The following TAPT1 variants were observed in gnomAD, a reference collection of about 807,000 sequenced individuals.
The protein encoded by TAPT1 is transmembrane anterior posterior transformation 1.
TAPT1 carries 28 observed loss-of-function variants against 65.6 expected under a neutral mutation model. The observed-to-expected ratio is 0.43, with a 90% CI of 0.32 to 0.59. The LOEUF (loss-of-function observed/expected upper bound fraction) is 0.59. Ranked by LOEUF, TAPT1 falls within the 20% of genes least tolerant of loss-of-function variation. The probability of loss-of-function intolerance (pLI) is 0.09; values close to 1 mark genes in which losing one functional copy is unlikely to be tolerated. For synonymous variants in TAPT1, 278 were observed against 245.2 expected (o/e 1.13, Z -1.25); for missense variants, 563 against 679.9 (o/e 0.83, Z 1.91).
rs753438364 is a variant in TAPT1, at chr4:16,170,651, A to C, written c.1313+2T>G. ...CAAAAACATATTCAAGAATAATCTT[A>C]CCCAAAATAGAAGAGTATGACACAG... On this transcript the variant is annotated splice_donor_variant, in intron 12 of 13. Coordinates refer to ENST00000405303, the MANE Select transcript of TAPT1 (RefSeq NM_153365.3). LOFTEE classifies it high-confidence loss of function. The C allele has an allele frequency of 6.2e-7, 1 of 1,607,940 alleles. No individual in the cohort carries two copies. Among genetic ancestry groups the C allele is most frequent in the Non-Finnish European group, 8.5e-7 (1 of 1,174,614 alleles).
intron 1 of TAPT1, among the ~76,000 whole-genome samples, chr4:16,222,756 A>G (rs1184604832): frequency 6.6e-6 from 1 of 152,174 alleles, no homozygotes; most frequent in Non-Finnish European, 1.5e-5. Flanking sequence ...TCTCTAACAG[A>G]GGTGAAGCAA....
intron 10 of TAPT1, 48 bp from the exon 11 acceptor site, chr4:16,174,320 G>T: frequency 6.7e-7 from 1 of 1,501,606 alleles, no homozygotes; most frequent in Non-Finnish European, 9.1e-7. Context: ...GATTTAAACA[G>T]CATTTTAAAA....
chr4:16,176,422 G>A (rs1748328633), intron 8 of TAPT1, 194 bp from the exon 9 acceptor site: 5 of 385,514 alleles, frequency 1.3e-5, no homozygotes, highest in Middle Eastern at 6.7e-4. Flanking sequence ...TTCAACAAAC[G>A]TTTACTCAGG....
At chr4:16,192,444 T>G (rs1428370749) in intron 3 of TAPT1, among the ~76,000 whole-genome samples, 1 of 152,262 alleles carries the variant, frequency 6.6e-6, no homozygotes, top group Non-Finnish European at 1.5e-5. Flanking sequence ...ACAGCTTTTG[T>G]ATTACAAATG....
chr4:16,187,766 T>C (rs1749107880), intron 5 of TAPT1, among the ~76,000 whole-genome samples: 3 of 152,230 alleles, frequency 2.0e-5, no homozygotes, highest in African/African-American at 7.2e-5. Context: ...CAGGGAAGAA[T>C]ACACAAACAC....
At chr4:16,168,907 G>A (rs1283252957) in intron 12 of TAPT1, among the ~76,000 whole-genome samples, 1 of 152,262 alleles carries the variant, frequency 6.6e-6, no homozygotes, top group Admixed American at 6.5e-5. Context: ...TAGCTGGCAA[G>A]AGTGAGTCTG....
chr4:16,166,652 G>A lies in TAPT1; in HGVS notation c.1455C>T (p.Asn485=). 1 of 1,614,022 alleles carries A rather than the reference G, an allele frequency of 6.2e-7. No individual in the cohort carries two copies. Among genetic ancestry groups the A allele is most frequent in the Non-Finnish European group, 8.5e-7 (1 of 1,179,874 alleles). Residue 485 remains asparagine, a synonymous_variant, in exon 13 of 14, where the codon AAC becomes AAT. Transcript: ENST00000405303. ...ACCTACCTTGAGAGGGTTTACATTT[G>A]TTCTGTGATTTACTGGACGGCTTGC... ...TPGKPSSKSQ[N]KCKPSQGLST... is the part of the protein sequence containing the mutation.
intron 8 of TAPT1, 22 bp downstream of exon 8, chr4:16,179,553 ACT>A: frequency 7.2e-7 from 1 of 1,394,720 alleles, no homozygotes; most frequent in Non-Finnish European, 9.7e-7. Context: ...ATTATAAGAC[ACT>A]GTTTTGTTAA....
intron 12 of TAPT1, among the ~76,000 whole-genome samples, chr4:16,167,264 T>G (rs1747702026): frequency 6.6e-6 from 1 of 152,108 alleles, no homozygotes; most frequent in Admixed American, 6.5e-5. Context: ...GTGCTGGGAT[T>G]ACAGGTGTGA....
chr4:16,163,490 T>C lies in TAPT1; in HGVS notation c.1522A>G (p.Ile508Val), dbSNP rs1747383892. Residue 508 changes from isoleucine (I) to valine (V), a missense_variant, in exon 14 of 14, where the codon ATT becomes GTT. Around this residue, in one of 5 missense-constraint regions of TAPT1, gnomAD observed 136 missense variants for 153.9 expected, o/e 0.88. Transcript: ENST00000405303. ...GGTATGATATTTTCCTTTTGATGAATAGGTTGTTTGGTGATGGAGGCAGAC... is the reference window on the plus strand; with the variant it reads ...GGTATGATATTTTCCTTTTGATGAACAGGTTGTTTGGTGATGGAGGCAGAC... ...NLSASITKQP[I>V]HQKENIIPLL... 2 of 1,613,894 alleles carry C rather than the reference T, an allele frequency of 1.2e-6. No individual in the cohort carries two copies. Among genetic ancestry groups the C allele is most frequent in the South Asian group, 1.1e-5 (1 of 91,072 alleles).
upstream of TAPT1, chr4:16,226,489 T>A: frequency 1.4e-5 from 15 of 1,034,994 alleles, no homozygotes; most frequent in Non-Finnish European, 1.7e-5. Flanking sequence ...CCCCGCCGCC[T>A]CCCTCCAGCC....
intron 3 of TAPT1, 90 bp from the exon 4 acceptor site, chr4:16,191,613 C>T (rs1749377492): frequency 1.6e-6 from 2 of 1,277,108 alleles, no homozygotes. Context: ...CACTGGCATA[C>T]AAAGGTAAAA....
In TAPT1 at chr4:16,162,167, C is replaced by A. The variant is rs539655784; in HGVS notation, c.*1141G>T. 8 of 153,056 alleles carry A rather than the reference C, an allele frequency of 5.2e-5. No homozygotes were observed. The highest frequency in any genetic ancestry group is 1.9e-4 in the African/African-American group (8 of 41,560). The allele number at this position is 153,056 out of a possible 1,614,324, so 9.5% of individuals were successfully genotyped here. A position where few individuals can be genotyped will look rare whatever the true frequency, so the allele number is the denominator to read the frequency against. ...CCAACAGCCACCCATACGCCTCAAA[C>A]ACCCCATTTACTTTCACACAAAATC... is the stretch of plus-strand genomic sequence containing the variant. On this transcript the variant is annotated 3_prime_UTR_variant, in exon 14 of 14. Coordinates refer to ENST00000405303, the MANE Select transcript of TAPT1 (RefSeq NM_153365.3).
At chr4:16,195,302 C>T (rs947707740) in intron 3 of TAPT1, among the ~76,000 whole-genome samples, 1 of 152,206 alleles carries the variant, frequency 6.6e-6, no homozygotes, top group Non-Finnish European at 1.5e-5. Flanking sequence ...TGCCATTCAA[C>T]CCCGAACTGG....
intron 1 of TAPT1, among the ~76,000 whole-genome samples, chr4:16,219,094 G>A (rs1560191638): frequency 6.6e-6 from 1 of 152,116 alleles, no homozygotes; most frequent in Non-Finnish European, 1.5e-5. Context: ...CTATGAAACA[G>A]GTTCTACTGT....
At chr4:16,179,206 A>T (rs1347542123) in intron 8 of TAPT1, 3 of 162,412 alleles carry the variant, frequency 1.8e-5, no homozygotes, top group Non-Finnish European at 4.0e-5. Context: ...ACACACCCAG[A>T]CTATATGGTA....
At chr4:16,189,350 C>T (rs1578441034) in intron 4 of TAPT1, among the ~76,000 whole-genome samples, 1 of 152,292 alleles carries the variant, frequency 6.6e-6, no homozygotes, top group East Asian at 1.9e-4. Flanking sequence ...TTGTCTATCT[C>T]TCACCTGTAG....
intron 3 of TAPT1, 113 bp from the exon 4 acceptor site, chr4:16,191,636 T>C (rs773626279): frequency 8.5e-6 from 10 of 1,178,212 alleles, no homozygotes; most frequent in Non-Finnish European, 1.1e-5. Context: ...AAGAATTATG[T>C]TGATCTTTTA....
At chr4:16,214,660 G>A (rs139141833) in intron 1 of TAPT1, 107 of 152,288 alleles carry the variant, frequency 7.0e-4, no homozygotes, top group African/African-American at 2.4e-3. Context: ...CTGGATGCTC[G>A]ACCCCACCTC....
Sources: gnomAD v4.1 joint callset for allele counts (sites outside exome capture counted in the v4.1 genomes callset) on GRCh38, gnomAD v4.1.1 for gene constraint, gnomAD v4.1.1 regional missense constraint, MANE v1.5 for transcripts, NCBI Gene and HGNC (gene_info 2026-07-23, HGNC 2026-07-21) for gene names.